Variants in DAB1 observed in about 807,000 individuals in gnomAD.
DAB1 encodes the protein DAB adaptor protein 1, also known as disabled homolog 1.
A neutral mutation model predicts 64.6 loss-of-function variants in DAB1; 15 were observed. The ratio of observed to expected loss-of-function variants is 0.23; its 90% CI spans 0.16 to 0.36. The LOEUF is 0.36. Among genes scored for constraint, DAB1 ranks in the 10% least tolerant of loss-of-function variants. DAB1 has a pLI of 1.00. For synonymous variants in DAB1, 235 were observed against 251.9 expected, an observed-to-expected ratio of 0.93 and a Z score of 0.64; for missense variants, 596 against 706.7, an observed-to-expected ratio of 0.84 and a Z score of 1.78.
intron 5 of DAB1, among the ~76,000 whole-genome samples, chr1:57,980,918 C>T (rs1201660756): frequency 6.6e-6 from 1 of 151,766 alleles, no homozygotes; most frequent in Admixed American, 6.6e-5. Flanking sequence ...TATATACACA[C>T]ACACACACAC....
At chr1:57,314,612 C>T (rs538219339) in intron 1 of DAB1, among the ~76,000 whole-genome samples, 1 of 152,186 alleles carries the variant, frequency 6.6e-6, no homozygotes, top group South Asian at 2.1e-4. Flanking sequence ...CGTAAGGATG[C>T]TCTTTAAAAA....
chr1:57,456,646 A>G (rs1189212366), intron 7 of DAB1, among the ~76,000 whole-genome samples: 2 of 152,176 alleles, frequency 1.3e-5, no homozygotes, highest in Non-Finnish European at 2.9e-5. Flanking sequence ...AAATATACCA[A>G]TAATCAGTAT....
intron 4 of DAB1, among the ~76,000 whole-genome samples, chr1:58,213,947 A>C (rs1343169089): frequency 1.3e-5 from 2 of 152,170 alleles, no homozygotes; most frequent in East Asian, 1.9e-4. Context: ...GATTACTCCA[A>C]AGGGCTTTTA....
intron 2 of DAB1, among the ~76,000 whole-genome samples, chr1:57,151,807 A>ATTTTTTT (rs34012935): frequency 6.7e-4 from 71 of 106,226 alleles, no homozygotes; most frequent in Non-Finnish European, 8.5e-4. Flanking sequence ...CTAATGTTTA[A>ATTTTTTT]TTTTTTTTTT....
chr1:57,715,654 T>C, intron 6 of DAB1, among the ~76,000 whole-genome samples: 1 of 151,944 alleles, frequency 6.6e-6, no homozygotes, highest in East Asian at 1.9e-4. Flanking sequence ...ATGAACTATC[T>C]AGAAAAGAAA....
At chr1:58,307,691 T>G (rs1662337191) in intron 4 of DAB1, among the ~76,000 whole-genome samples, 1 of 151,732 alleles carries the variant, frequency 6.6e-6, no homozygotes, top group Non-Finnish European at 1.5e-5. Context: ...GGAAAGGTCT[T>G]CCAGATGGAG....
At chr1:57,144,954 T>G (rs1047819630) in intron 3 of DAB1, among the ~76,000 whole-genome samples, 11 of 152,138 alleles carry the variant, frequency 7.2e-5, no homozygotes, top group Non-Finnish European at 1.5e-4. Flanking sequence ...AATAACAAGA[T>G]GGCAAAATTC....
chr1:58,207,125 C>T (rs961805214), intron 4 of DAB1, among the ~76,000 whole-genome samples: 1 of 152,214 alleles, frequency 6.6e-6, no homozygotes, highest in Non-Finnish European at 1.5e-5. Flanking sequence ...ACTCAGCTGA[C>T]TTGCCAACTA....
chr1:58,228,625 T>G lies in DAB1; in HGVS notation n.310-78037A>C, dbSNP rs1659617363. ...CTTGGGACCCAGATATGCCCCCTTGTGCGAGGTTCACATGCCAAAGCAAAG... is the reference window on the plus strand; with the variant it reads ...CTTGGGACCCAGATATGCCCCCTTGGGCGAGGTTCACATGCCAAAGCAAAG... On this transcript the variant is annotated intron_variant and non_coding_transcript_variant, in intron 4 of 20. Coordinates refer to the DAB1 transcript ENST00000485760. The G allele has an allele frequency of 5.1e-6, 4 of 779,968 alleles. No homozygotes were observed. In the South Asian group the frequency reaches 5.8e-5, roughly 11 times the overall value. 48.3% of individuals were successfully genotyped at this position (779,968 alleles called of 1,614,324 possible). A position where few individuals can be genotyped will look rare whatever the true frequency, so the allele number is the denominator to read the frequency against.
At chr1:57,071,182 G>A (rs2100594555) in intron 6 of DAB1, 121 bp from the exon 7 acceptor site, 2 of 968,062 alleles carry the variant, frequency 2.1e-6, no homozygotes, top group Non-Finnish European at 1.6e-6. Flanking sequence ...AGGCTGGTGG[G>A]CCATCAAGGT....
intron 4 of DAB1, among the ~76,000 whole-genome samples, chr1:57,135,056 C>T (rs1657966913): frequency 6.6e-6 from 1 of 152,136 alleles, no homozygotes; most frequent in African/African-American, 2.4e-5. Flanking sequence ...ATGGGAGGTA[C>T]TCAATAATGC....
At chr1:58,370,930 C>T (rs890645560) in intron 3 of DAB1, among the ~76,000 whole-genome samples, 1 of 152,162 alleles carries the variant, frequency 6.6e-6, no homozygotes, top group Non-Finnish European at 1.5e-5. Context: ...CATAAATTAC[C>T]CAATCTCAGG....
intron 7 of DAB1, among the ~76,000 whole-genome samples, chr1:57,622,050 A>C (rs1645866297): frequency 6.6e-6 from 1 of 152,244 alleles, no homozygotes; most frequent in South Asian, 2.1e-4. Context: ...GTGGGAGGGC[A>C]GGTATTTATA....
At chr1:58,473,997 T>C in intron 3 of DAB1, 3 of 1,220,144 alleles carry the variant, frequency 2.5e-6, no homozygotes, top group Non-Finnish European at 3.3e-6. Context: ...TATCACTTTA[T>C]GCCTGGACTT....
intron 5 of DAB1, among the ~76,000 whole-genome samples, chr1:58,055,468 G>A (rs913983348): frequency 4.6e-5 from 7 of 151,224 alleles, no homozygotes; most frequent in South Asian, 2.1e-4. Flanking sequence ...TCCCTTTTCC[G>A]CTTTGTTTTT....
chr1:58,507,701 T>C (rs1646011179), intron 2 of DAB1, among the ~76,000 whole-genome samples: 5 of 152,104 alleles, frequency 3.3e-5, no homozygotes. Context: ...TGTGCTTATG[T>C]GTAAAATATG....
chr1:57,890,254 G>T (rs1644291528), intron 5 of DAB1, among the ~76,000 whole-genome samples: 1 of 151,950 alleles, frequency 6.6e-6, no homozygotes, highest in South Asian at 2.1e-4. Context: ...GTCTTTGAGG[G>T]GGTAATACCA....
intron 5 of DAB1, among the ~76,000 whole-genome samples, chr1:57,978,857 C>T (rs767083507): frequency 1.3e-5 from 2 of 152,100 alleles, no homozygotes; most frequent in Non-Finnish European, 2.9e-5. Context: ...AAATCAAAAC[C>T]ACAATGAGAT....
chr1:58,311,324 G>T (rs1310839950), intron 4 of DAB1, among the ~76,000 whole-genome samples: 2 of 152,124 alleles, frequency 1.3e-5, no homozygotes, highest in African/African-American at 4.8e-5. Context: ...GCTCAAATAA[G>T]ATCTGCCTTG....
Sources: allele counts gnomAD v4.1 joint callset (sites outside exome capture counted in the v4.1 genomes callset), GRCh38; gene constraint gnomAD v4.1.1; transcripts MANE v1.5; gene names NCBI Gene and HGNC (gene_info 2026-07-23, HGNC 2026-07-21).